IL34: variants seen among roughly 807,000 people sequenced by gnomAD.
The protein encoded by IL34 is interleukin-34.
In IL34, 17 loss-of-function variants were observed where a neutral mutation model predicts 25.3. The ratio of observed to expected loss-of-function variants is 0.67; its 90% CI spans 0.46 to 1.01. The LOEUF (loss-of-function observed/expected upper bound fraction) is 1.01, where lower values mean the gene tolerates loss of function less well. Ranked by LOEUF, IL34 falls within the 50% of genes least tolerant of loss-of-function variation. The pLI is 0.00. For synonymous variants in IL34, 174 were observed against 140.9 expected (o/e 1.23, Z -1.66); for missense variants, 368 against 312.9 (o/e 1.18, Z -1.33).
chr16:70,641,420 G>C (rs562497116), intron 1 of IL34, among the ~76,000 whole-genome samples: 45 of 152,220 alleles, frequency 3.0e-4, no homozygotes, highest in Non-Finnish European at 6.5e-4. Flanking sequence ...GAGCTTCACT[G>C]TCCATCAATT....
intron 1 of IL34, among the ~76,000 whole-genome samples, chr16:70,629,398 A>G (rs1012495658): frequency 1.1e-4 from 17 of 152,306 alleles, no homozygotes; most frequent in Admixed American, 5.2e-4. Context: ...TAACATTTAC[A>G]GATCTCCAGA....
chr16:70,636,528 C>G lies in IL34; in HGVS notation c.-400-10020C>G, dbSNP rs1397273127. On this transcript the variant is annotated intron_variant, in intron 1 of 6. Transcript: ENST00000429149. ...GTGGCTCATGCCTACAATCCCAGCA[C>G]TTGGGGAGGCTGAGACCAGGAGCTT... 1.1e-4 allele frequency among the ~76,000 whole-genome samples: 17 copies of G among 151,702 alleles called. 1 individual carries two copies. Among genetic ancestry groups the G allele is most frequent in the Non-Finnish European group, 2.9e-5 (2 of 67,942 alleles).
chr16:70,625,471 C>T (rs2051371980), intron 1 of IL34, among the ~76,000 whole-genome samples: 1 of 152,034 alleles, frequency 6.6e-6, no homozygotes, highest in African/African-American at 2.4e-5. Flanking sequence ...TTGAGGGGTA[C>T]TTGCCCCTTC....
chr16:70,645,328 G>T (rs551560120), upstream of IL34, among the ~76,000 whole-genome samples: 49 of 152,248 alleles, frequency 3.2e-4, no homozygotes, highest in African/African-American at 1.1e-3. Flanking sequence ...TAGGGTAAGG[G>T]CCAGCATTCT....
At chr16:70,643,548 T>A (rs1038189016), upstream of IL34, among the ~76,000 whole-genome samples, 1 of 152,098 alleles carries the variant, frequency 6.6e-6, no homozygotes, top group African/African-American at 2.4e-5. Flanking sequence ...TTAAAAAAAT[T>A]TTTGTTGGTA....
At chr16:70,629,398 A>C (rs1012495658) in intron 1 of IL34, among the ~76,000 whole-genome samples, 1 of 152,188 alleles carries the variant, frequency 6.6e-6, no homozygotes, top group Admixed American at 6.5e-5. Context: ...TAACATTTAC[A>C]GATCTCCAGA....
intron 1 of IL34, among the ~76,000 whole-genome samples, chr16:70,632,872 T>G (rs2051550333): frequency 6.6e-6 from 1 of 152,196 alleles, no homozygotes; most frequent in African/African-American, 2.4e-5. Flanking sequence ...GTTGGAGCCT[T>G]TGTCACCAGC....
chr16:70,614,487 G>A (rs1036024917), intron 1 of IL34, among the ~76,000 whole-genome samples: 5 of 152,240 alleles, frequency 3.3e-5, no homozygotes, highest in African/African-American at 4.8e-5. Context: ...TGAGGTTTGA[G>A]AAGCATGGAA....
intron 1 of IL34, among the ~76,000 whole-genome samples, chr16:70,614,885 T>C (rs750469642): frequency 1.3e-5 from 2 of 152,246 alleles, no homozygotes; most frequent in African/African-American, 2.4e-5. Flanking sequence ...CAGGAGCTGA[T>C]GAACTGCAAC....
At chr16:70,657,261 G>A (rs929187750) in intron 4 of IL34, 140 bp downstream of exon 4, 18 of 872,376 alleles carry the variant, frequency 2.1e-5, no homozygotes, top group Admixed American at 5.5e-5. Flanking sequence ...CGTGGGAGAA[G>A]TGGGGGAGGG....
intron 1 of IL34, among the ~76,000 whole-genome samples, chr16:70,648,066 C>A (rs189264644): frequency 1.1e-4 from 16 of 152,210 alleles, no homozygotes; most frequent in Non-Finnish European, 2.1e-4. Flanking sequence ...CTGGCTGAGG[C>A]CTTGAGAGCC....
Position 70,660,310 on chromosome 16 carries a change from T to C in IL34, c.*123T>C. 1.1e-6 allele frequency: 1 copy of C among 884,682 alleles called. No individual in the cohort carries two copies. The highest frequency in any genetic ancestry group is 1.6e-6 in the Non-Finnish European group (1 of 610,186). The allele number at this position is 884,682 out of a possible 1,614,324, so 54.8% of individuals were successfully genotyped here. On this transcript the variant is annotated 3_prime_UTR_variant, in exon 6 of 6. Coordinates refer to ENST00000288098, the MANE Select transcript of IL34 (RefSeq NM_001393494.1). ...CTTGGGAGAGGACCCCTGGGAAGGG[T>C]GTTTTTCCTTTGAGGGGGATTCTGT...
intron 1 of IL34, among the ~76,000 whole-genome samples, chr16:70,583,850 C>T (rs1250367533): frequency 6.6e-6 from 1 of 152,134 alleles, no homozygotes; most frequent in African/African-American, 2.4e-5. Context: ...TGGGGTTTCA[C>T]CATGTTGGCC....
chr16:70,590,074 A>G (rs1185713494), intron 1 of IL34, among the ~76,000 whole-genome samples: 1 of 152,156 alleles, frequency 6.6e-6, no homozygotes, highest in Non-Finnish European at 1.5e-5. Flanking sequence ...TGCTGGAGAG[A>G]TGGACAGACC....
intron 4 of IL34, among the ~76,000 whole-genome samples, chr16:70,658,775 A>C (rs2052302001): frequency 6.6e-6 from 1 of 152,138 alleles, no homozygotes; most frequent in African/African-American, 2.4e-5. Context: ...TGGCCGTCTC[A>C]GTCTTTTCAT....
chr16:70,599,375 C>G (rs868501530), intron 1 of IL34, among the ~76,000 whole-genome samples: 3 of 130,074 alleles, frequency 2.3e-5, no homozygotes, highest in Non-Finnish European at 5.0e-5. Flanking sequence ...TTCTTTCTTT[C>G]TTCTTTCTCT....
upstream of IL34, among the ~76,000 whole-genome samples, chr16:70,645,127 AAGG>A (rs532309850): frequency 0.015 from 2,155 of 144,004 alleles, 38 homozygotes; most frequent in Non-Finnish European, 0.017. Flanking sequence ...AAGAGGGAGG[AAGG>A]AGGAAGACGA....
At chr16:70,603,973 C>T (rs1479143591) in intron 1 of IL34, among the ~76,000 whole-genome samples, 3 of 152,142 alleles carry the variant, frequency 2.0e-5, no homozygotes, top group Admixed American at 1.3e-4. Context: ...ATTTGCCAGC[C>T]CTTGACTGTG....
intron 1 of IL34, among the ~76,000 whole-genome samples, chr16:70,618,876 G>GGGGGTC (rs2051217506): frequency 6.6e-6 from 1 of 152,170 alleles, no homozygotes; most frequent in East Asian, 1.9e-4. Context: ...TGAGCTTGAT[G>GGGGGTC]GGGGTCAGGG....
Sources: gnomAD v4.1 joint callset for allele counts (sites outside exome capture counted in the v4.1 genomes callset) on GRCh38, gnomAD v4.1.1 for gene constraint, MANE v1.5 for transcripts, NCBI Gene and HGNC (gene_info 2026-07-23, HGNC 2026-07-21) for gene names.